Variants in HERC2 observed in about 807,000 individuals in gnomAD.
HERC2 encodes E3 ubiquitin-protein ligase HERC2.
Under a neutral mutation model 537.7 loss-of-function variants are expected in HERC2, and 102 were observed. The ratio of observed to expected loss-of-function variants is 0.19; its 90% CI spans 0.16 to 0.22. HERC2 has a LOEUF of 0.22. HERC2 is among the 10% of genes least tolerant of loss of function. HERC2 has a pLI of 1.00. For missense variants in HERC2, 4,236 were observed against 6,198.2 expected, an observed-to-expected ratio of 0.68 and a Z score of 10.63; for synonymous variants, 2,224 against 2,466.2, an observed-to-expected ratio of 0.90 and a Z score of 2.91.
intron 23 of HERC2, among the ~76,000 whole-genome samples, chr15:28,239,997 GC>G (rs1290573307): frequency 1.3e-5 from 2 of 152,112 alleles, no homozygotes; most frequent in Middle Eastern, 6.3e-3. Flanking sequence ...AACATGGATT[GC>G]ATGTTAGATT....
chr15:28,317,386 G>C (rs2077117601), intron 2 of HERC2, among the ~76,000 whole-genome samples: 1 of 152,204 alleles, frequency 6.6e-6, no homozygotes, highest in African/African-American at 2.4e-5. Context: ...ACCGCGCCCA[G>C]CCGAAGTGAC....
At chr15:28,116,136 A>G (rs1402182020) in intron 88 of HERC2, among the ~76,000 whole-genome samples, 2 of 152,172 alleles carry the variant, frequency 1.3e-5, no homozygotes, top group Admixed American at 6.5e-5. Flanking sequence ...CAGGCCCTCA[A>G]TGCTAGGCAC....
At position 28,125,187 on chromosome 15, in the gene HERC2, A is replaced by G. The variant is rs1238622930; in HGVS notation, c.12809T>C (p.Val4270Ala). The G allele has an allele frequency of 3.1e-6, 5 of 1,606,890 alleles. No individual in the cohort carries two copies. The highest frequency in any genetic ancestry group is 4.3e-6 in the Non-Finnish European group (5 of 1,173,828). Residue 4270 changes from valine (V) to alanine (A), a missense_variant, in exon 84 of 93, where the codon GTT becomes GCT. Physicochemically the swap from Val to Ala is moderately conservative, Grantham distance 64 (BLOSUM62 0). Around this residue, in one of 27 missense-constraint regions of HERC2, gnomAD observed 189 missense variants for 255.7 expected, o/e 0.74. Coordinates refer to ENST00000261609, the MANE Select transcript of HERC2 (RefSeq NM_004667.6). Reference protein sequence around the residue: ...HCVCCTEDGEVYTWGDNDEGQ... With the variant: ...HCVCCTEDGEAYTWGDNDEGQ... ...CTCATCATTGTCGCCCCATGTATAA[A>G]CCTCACCTGAATGAAGTGAATTTAG...
rs141847559 is a variant in HERC2, at chr15:28,233,765, C to G, written c.4250G>C (p.Arg1417Thr). The change falls in exon 28 of 93, where the codon AGG becomes ACG. Residue 1417 changes from arginine (R) to threonine (T), a missense_variant. Transcript: ENST00000261609. ...DFLCQIERYC[R>T]QCHLTTPIMF... ...GATCGGTGTGGTCAAATGGCACTGCCTACAGTACCTTTCTATTTGACACAA... is the reference window on the plus strand; with the variant it reads ...GATCGGTGTGGTCAAATGGCACTGCGTACAGTACCTTTCTATTTGACACAA... 9.9e-6 allele frequency: 16 copies of G among 1,612,226 alleles called. No homozygotes were observed. Among genetic ancestry groups the G allele is most frequent in the African/African-American group, 1.3e-5 (1 of 74,868 alleles).
chr15:28,242,466 T>G (rs1903228143), intron 23 of HERC2, among the ~76,000 whole-genome samples: 1 of 152,216 alleles, frequency 6.6e-6, no homozygotes, highest in Non-Finnish European at 1.5e-5. Flanking sequence ...CTCTGGTGGA[T>G]AGATGGAAAC....
intron 12 of HERC2, 98 bp from the exon 13 acceptor site, chr15:28,266,072 A>C: frequency 7.6e-7 from 1 of 1,324,348 alleles, no homozygotes; most frequent in Admixed American, 2.1e-5. Flanking sequence ...TTAGACCAGC[A>C]TAGCATCAGG....
intron 35 of HERC2, among the ~76,000 whole-genome samples, chr15:28,225,696 CAAAAAA>C (rs35629645): frequency 1.7e-5 from 1 of 58,814 alleles, no homozygotes; most frequent in African/African-American, 5.8e-5. Context: ...GACTCCGTCT[CAAAAAA>C]AAAAAAAAAA....
In HERC2 at chr15:28,132,105, T is replaced by G. The variant is rs746962501; in HGVS notation, c.12565A>C (p.Met4189Leu). Residue 4189 changes from methionine to leucine, a missense_variant, in exon 81 of 93, where the codon ATG becomes CTG. This residue lies in a region of HERC2 where 38 missense variants were observed against 36.7 expected (regional missense o/e 1.04). Transcript: ENST00000261609. ...RGGSDGCKVP[M>L]KIDSLTGLGV... ...AGGGAAAGAATGGGAAATACCTTCA[T>G]AGGCACTTTACAGCCATCGCTGCCT... 6.2e-7 allele frequency: 1 copy of G among 1,603,658 alleles called. No individual in the cohort carries two copies. The highest frequency in any genetic ancestry group is 1.1e-5 in the South Asian group (1 of 90,234).
rs1385680443 is a variant in HERC2 at position 28,120,636 on chromosome 15, T to C, written c.13272+710A>G. ...ACCCATGAGACAGTATTAGTAATTCTGGCCTATGAAATTGGCAAAGAAAAC... is the reference window on the plus strand; with the variant it reads ...ACCCATGAGACAGTATTAGTAATTCCGGCCTATGAAATTGGCAAAGAAAAC... On this transcript the variant is annotated intron_variant, in intron 86 of 92. Coordinates refer to ENST00000261609, the MANE Select transcript of HERC2 (RefSeq NM_004667.6). Among the ~76,000 whole-genome samples, 4 of 152,390 alleles carry C rather than the reference T, an allele frequency of 2.6e-5. No homozygotes were observed. In the South Asian group the frequency reaches 6.2e-4, roughly 24 times the overall value.
intron 69 of HERC2, among the ~76,000 whole-genome samples, chr15:28,162,039 TAGA>T (rs1596091091): frequency 6.6e-6 from 1 of 152,174 alleles, no homozygotes; most frequent in Non-Finnish European, 1.5e-5. Flanking sequence ...CATAAAAAAT[TAGA>T]AGAAGGCCGG....
chr15:28,178,411 G>C (rs1895501788), intron 59 of HERC2, among the ~76,000 whole-genome samples: 1 of 152,198 alleles, frequency 6.6e-6, no homozygotes, highest in Non-Finnish European at 1.5e-5. Context: ...CTTTTACAAA[G>C]GAGAAAAGTA....
At chr15:28,168,385 A>G in intron 67 of HERC2, 22 bp downstream of exon 67, 1 of 1,607,378 alleles carries the variant, frequency 6.2e-7, no homozygotes, top group South Asian at 1.1e-5. Context: ...CTGATCTAAC[A>G]TTGCTTTAGA....
intron 26 of HERC2, 131 bp downstream of exon 26, chr15:28,236,832 C>T (rs1261470714): frequency 1.9e-5 from 12 of 639,746 alleles, no homozygotes; most frequent in East Asian, 2.9e-5. Flanking sequence ...AAGCAATCCA[C>T]GTGCCACAAC....
chr15:28,269,495 G>A, intron 10 of HERC2, 59 bp from the exon 11 acceptor site: 1 of 1,315,130 alleles, frequency 7.6e-7, no homozygotes, highest in Non-Finnish European at 1.1e-6. Flanking sequence ...AAAAGGCTGG[G>A]AGTAACACTG....
In HERC2 at chr15:28,288,947, G is replaced by T. The variant is rs572401343; in HGVS notation, c.322+3941C>A. ...AAAAACAAAAACATCATATTGTGGG[G>T]TTTATACCATGTTTCACTTGGACAT... On this transcript the variant is annotated intron_variant, in intron 4 of 92. Transcript: ENST00000261609. Among the ~76,000 whole-genome samples, 35 of 151,172 alleles carry T rather than the reference G, an allele frequency of 2.3e-4. No homozygotes were observed. The East Asian group carries it at 2.6e-3, about 11-fold the overall frequency.
chr15:28,220,779 T>C (rs1900446055), intron 36 of HERC2, 135 bp from the exon 37 acceptor site: 1 of 692,912 alleles, frequency 1.4e-6, no homozygotes, highest in Non-Finnish European at 2.5e-6. Context: ...AGACCTCAGT[T>C]AGGAGGGTGT....
intron 5 of HERC2, among the ~76,000 whole-genome samples, chr15:28,279,417 G>A (rs377604299): frequency 2.2e-4 from 33 of 152,222 alleles, no homozygotes; most frequent in Non-Finnish European, 4.9e-4. Flanking sequence ...AAAATAAAAC[G>A]TATACAACGT....
rs182305793 is a variant in HERC2 at position 28,277,674 on chromosome 15, G to A, written c.542+2394C>T. ...TTGGACAATCTTAGCACCTACCGCC[G>A]ACCCGTACATAACACTGATTCATGA... is the stretch of plus-strand genomic sequence containing the variant. On this transcript the variant is annotated intron_variant, in intron 5 of 92. Coordinates refer to ENST00000261609, the MANE Select transcript of HERC2 (RefSeq NM_004667.6). Among the ~76,000 whole-genome samples the A allele has an allele frequency of 5.9e-4, 90 of 152,188 alleles. No individual in the cohort carries two copies. The East Asian group carries it at 0.013, about 21-fold the overall frequency.
At chr15:28,170,154 A>G (rs1164713600) in intron 65 of HERC2, among the ~76,000 whole-genome samples, 2 of 152,236 alleles carry the variant, frequency 1.3e-5, no homozygotes, top group Non-Finnish European at 2.9e-5. Flanking sequence ...ATTTAATGCA[A>G]TTCCCACCAG....
Sources: allele counts gnomAD v4.1 joint callset (sites outside exome capture counted in the v4.1 genomes callset), GRCh38; gene constraint gnomAD v4.1.1; regional missense constraint gnomAD v4.1.1; transcripts MANE v1.5; gene names NCBI Gene and HGNC (gene_info 2026-07-23, HGNC 2026-07-21).